Variants in SLC10A7 observed in about 807,000 individuals in gnomAD.
SLC10A7 encodes solute carrier family 10 member 7, also known as sodium/bile acid cotransporter 7.
In SLC10A7, 29 loss-of-function variants were observed where a neutral mutation model predicts 43.2. That is an observed-to-expected ratio of 0.67 (90% confidence interval 0.50 to 0.92). The LOEUF (loss-of-function observed/expected upper bound fraction) is 0.92, where lower values mean the gene tolerates loss of function less well. Among genes scored for constraint, SLC10A7 ranks in the 40% least tolerant of loss-of-function variants. SLC10A7 has a pLI of 0.00. For synonymous variants in SLC10A7, 152 were observed against 144.8 expected (o/e 1.05, Z -0.35); for missense variants, 295 against 403.2 (o/e 0.73, Z 2.30).
intron 9 of SLC10A7, among the ~76,000 whole-genome samples, chr4:146,289,705 A>ATTT (rs1730272831): frequency 9.4e-6 from 1 of 106,502 alleles, no homozygotes; most frequent in African/African-American, 3.7e-5. Flanking sequence ...TCTGATTATT[A>ATTT]GTTTTTTTTT....
At chr4:146,476,537 G>A (rs985350834) in intron 4 of SLC10A7, among the ~76,000 whole-genome samples, 2 of 152,038 alleles carry the variant, frequency 1.3e-5, no homozygotes, top group African/African-American at 4.8e-5. Flanking sequence ...ACGGTAAAGG[G>A]GAGGCACATG....
intron 5 of SLC10A7, among the ~76,000 whole-genome samples, chr4:146,365,526 G>A (rs988751488): frequency 7.2e-5 from 11 of 152,098 alleles, no homozygotes; most frequent in Non-Finnish European, 1.2e-4. Flanking sequence ...AGGCTTAGAG[G>A]TTTAATTAGT....
chr4:146,298,398 T>C (rs1730927325), intron 7 of SLC10A7, among the ~76,000 whole-genome samples: 2 of 152,182 alleles, frequency 1.3e-5, no homozygotes, highest in African/African-American at 4.8e-5. Context: ...AAAACTCTAC[T>C]AGTATTAATA....
intron 5 of SLC10A7, among the ~76,000 whole-genome samples, chr4:146,385,559 T>C (rs962528857): frequency 6.6e-6 from 1 of 152,188 alleles, no homozygotes; most frequent in African/African-American, 2.4e-5. Context: ...TCATACATTT[T>C]GATTTTTTCC....
chr4:146,458,126 G>T (rs557979165), intron 4 of SLC10A7, among the ~76,000 whole-genome samples: 5 of 151,830 alleles, frequency 3.3e-5, no homozygotes, highest in African/African-American at 1.2e-4. Context: ...GGATGATACA[G>T]TATGACAAAG....
intron 7 of SLC10A7, among the ~76,000 whole-genome samples, chr4:146,296,546 C>A (rs545679038): frequency 2.6e-5 from 4 of 152,216 alleles, no homozygotes; most frequent in African/African-American, 9.6e-5. Context: ...TGGTGGATAC[C>A]TAATCTCAAT....
At chr4:146,264,412 A>T (rs1031741134) in intron 10 of SLC10A7, among the ~76,000 whole-genome samples, 3 of 152,186 alleles carry the variant, frequency 2.0e-5, no homozygotes, top group Admixed American at 6.5e-5. Flanking sequence ...TCTACTTTAC[A>T]TTATTGTTCA....
chr4:146,442,047 A>G, intron 5 of SLC10A7: 1 of 978,232 alleles, frequency 1.0e-6, no homozygotes, highest in Non-Finnish European at 1.2e-6. Context: ...CAATATGATA[A>G]TTAACTTCAG....
At chr4:146,436,046 TA>T (rs547478301) in intron 5 of SLC10A7, among the ~76,000 whole-genome samples, 1,787 of 151,884 alleles carry the variant, frequency 0.012, 38 homozygotes, top group African/African-American at 0.041. Flanking sequence ...ATCATTGCTT[TA>T]AAAAAAATCC....
At chr4:146,491,744 GAAAT>G (rs1389124959) in intron 4 of SLC10A7, among the ~76,000 whole-genome samples, 1 of 134,840 alleles carries the variant, frequency 7.4e-6, no homozygotes, top group South Asian at 2.5e-4. Flanking sequence ...AGGAAGGAAG[GAAAT>G]AAATTCCTCA....
intron 4 of SLC10A7, among the ~76,000 whole-genome samples, chr4:146,485,743 A>G (rs1734853767): frequency 6.6e-6 from 1 of 152,200 alleles, no homozygotes; most frequent in African/African-American, 2.4e-5. Context: ...TATGATGATG[A>G]CAGTCATAAG....
At chr4:146,441,402 GTT>G (rs1240788421) in intron 5 of SLC10A7, among the ~76,000 whole-genome samples, 4 of 152,132 alleles carry the variant, frequency 2.6e-5, no homozygotes, top group Admixed American at 2.0e-4. Flanking sequence ...CGTATATTTT[GTT>G]TTAGTCACTC....
chr4:146,401,092 A>T (rs924920901), intron 5 of SLC10A7, among the ~76,000 whole-genome samples: 1 of 152,220 alleles, frequency 6.6e-6, no homozygotes, highest in African/African-American at 2.4e-5. Flanking sequence ...CTAGCTGAGT[A>T]AGGAATCAGA....
intron 5 of SLC10A7, among the ~76,000 whole-genome samples, chr4:146,335,330 C>A (rs1487612362): frequency 6.8e-6 from 1 of 146,204 alleles, no homozygotes; most frequent in Non-Finnish European, 1.5e-5. Context: ...GAACAGCAAG[C>A]AGCCTAAGCA....
intron 2 of SLC10A7, among the ~76,000 whole-genome samples, chr4:146,516,084 A>G (rs540882139): frequency 1.5e-4 from 23 of 152,296 alleles, no homozygotes; most frequent in Admixed American, 3.3e-4. Context: ...AATAAAGGTA[A>G]GACATGATGC....
At chr4:146,497,059 T>C (rs924327677) in intron 4 of SLC10A7, among the ~76,000 whole-genome samples, 10 of 152,364 alleles carry the variant, frequency 6.6e-5, no homozygotes, top group Middle Eastern at 3.4e-3. Context: ...GGTTTCATAA[T>C]TTTTAAAAGA....
At chr4:146,368,530 T>C (rs1736551616) in intron 5 of SLC10A7, among the ~76,000 whole-genome samples, 1 of 152,226 alleles carries the variant, frequency 6.6e-6, no homozygotes, top group Non-Finnish European at 1.5e-5. Context: ...ACGTAGGTAG[T>C]AACCCTGCAC....
chr4:146,355,591 T>C (rs1735527222), intron 5 of SLC10A7, among the ~76,000 whole-genome samples: 1 of 151,842 alleles, frequency 6.6e-6, no homozygotes, highest in Admixed American at 6.6e-5. Flanking sequence ...CATGCACACG[T>C]ATGTTTATTG....
chr4:146,324,279 C>T (rs1230873069), intron 6 of SLC10A7, among the ~76,000 whole-genome samples: 1 of 152,174 alleles, frequency 6.6e-6, no homozygotes, highest in East Asian at 1.9e-4. Context: ...ATGCCATCCC[C>T]ATCAAGCTAC....
Sources: gnomAD v4.1 joint callset for allele counts (sites outside exome capture counted in the v4.1 genomes callset) on GRCh38, gnomAD v4.1.1 for gene constraint, MANE v1.5 for transcripts, NCBI Gene and HGNC (gene_info 2026-07-23, HGNC 2026-07-21) for gene names.